Variants in CLVS2 observed in about 807,000 individuals in gnomAD.
The protein encoded by CLVS2 is clavesin 2.
Under a neutral mutation model 29.0 loss-of-function variants are expected in CLVS2, and 19 were observed. That is an observed-to-expected ratio of 0.66 (90% CI 0.46 to 0.96). The LOEUF (loss-of-function observed/expected upper bound fraction) is 0.96. Ranked by LOEUF, CLVS2 falls within the 40% of genes least tolerant of loss-of-function variation. CLVS2 has a pLI of 0.00. For synonymous variants in CLVS2, 161 were observed against 151.3 expected (o/e 1.06, Z -0.47); for missense variants, 294 against 404.1 (o/e 0.73, Z 2.34).
At chr6:123,043,209 A>C (rs989719843) in intron 3 of CLVS2, among the ~76,000 whole-genome samples, 8 of 152,210 alleles carry the variant, frequency 5.3e-5, no homozygotes, top group Non-Finnish European at 1.0e-4. Flanking sequence ...AAAAAACTTG[A>C]GCGCATACAT....
chr6:123,059,053 C>T (rs1772737479), intron 5 of CLVS2, among the ~76,000 whole-genome samples: 1 of 152,260 alleles, frequency 6.6e-6, no homozygotes, highest in Middle Eastern at 3.4e-3. Context: ...CCCTGCCTCC[C>T]TCTCTCCTCC....
chr6:123,005,059 G>T (rs1774647792), intron 2 of CLVS2, among the ~76,000 whole-genome samples: 1 of 152,006 alleles, frequency 6.6e-6, no homozygotes, highest in Non-Finnish European at 1.5e-5. Flanking sequence ...ATTTGGCTTT[G>T]AATCTAGGTT....
At chr6:123,030,773 T>C (rs536310324) in intron 3 of CLVS2, among the ~76,000 whole-genome samples, 73 of 150,762 alleles carry the variant, frequency 4.8e-4, no homozygotes, top group Non-Finnish European at 4.4e-4. Context: ...AAAGTTTACT[T>C]TGTTTGCTAG....
chr6:123,057,104 G>A (rs1298268891), intron 5 of CLVS2, among the ~76,000 whole-genome samples: 1 of 151,986 alleles, frequency 6.6e-6, no homozygotes, highest in Non-Finnish European at 1.5e-5. Flanking sequence ...CACAGCTCAG[G>A]GTCCATTTGG....
At chr6:123,025,980 T>G (rs1774994916) in intron 3 of CLVS2, among the ~76,000 whole-genome samples, 1 of 151,948 alleles carries the variant, frequency 6.6e-6, no homozygotes, top group South Asian at 2.1e-4. Flanking sequence ...TTTATGATAT[T>G]TATTATAAAT....
intron 3 of CLVS2, among the ~76,000 whole-genome samples, chr6:123,042,785 T>C (rs1298749609): frequency 6.6e-6 from 1 of 152,184 alleles, no homozygotes; most frequent in African/African-American, 2.4e-5. Context: ...AGCAGCGATT[T>C]GGAACTGGGA....
intron 3 of CLVS2, among the ~76,000 whole-genome samples, chr6:123,030,822 T>A (rs1386497626): frequency 7.6e-6 from 1 of 131,312 alleles, no homozygotes; most frequent in Admixed American, 7.4e-5. Context: ...AAGGAGAATA[T>A]ATATATATAT....
intron 3 of CLVS2, among the ~76,000 whole-genome samples, chr6:123,043,015 TA>T (rs886607824): frequency 3.9e-5 from 6 of 152,144 alleles, no homozygotes; most frequent in African/African-American, 1.2e-4. Context: ...AGGAAGCTAA[TA>T]GTGATGTTCC....
chr6:123,008,972 T>G (rs1214172745), intron 2 of CLVS2, among the ~76,000 whole-genome samples: 1 of 152,172 alleles, frequency 6.6e-6, no homozygotes, highest in African/African-American at 2.4e-5. Context: ...TTTTGCCTTT[T>G]ATAATACTAA....
intron 3 of CLVS2, among the ~76,000 whole-genome samples, chr6:123,022,447 A>T (rs891042932): frequency 6.6e-6 from 1 of 152,044 alleles, no homozygotes; most frequent in South Asian, 2.1e-4. Flanking sequence ...TGATTACAAG[A>T]TGATAAAAAT....
In CLVS2 at chr6:123,069,090, T is replaced by C. The variant is rs1464640152; in HGVS notation, c.*5329T>C. On this transcript the variant is annotated 3_prime_UTR_variant, in exon 6 of 6. Coordinates refer to ENST00000275162, the MANE Select transcript of CLVS2 (RefSeq NM_001010852.4). ...TGTGGGGATCAAAGAGGAAAATATA[T>C]AGTAATTTGTTTCATCAAAATGACG... 2 of 151,718 alleles carry C rather than the reference T, an allele frequency of 1.3e-5. No homozygotes were observed. Among genetic ancestry groups the C allele is most frequent in the African/African-American group, 2.4e-5 (1 of 41,374 alleles). The allele number at this position is 151,718 out of a possible 1,614,324, so 9.4% of individuals were successfully genotyped here.
intron 3 of CLVS2, among the ~76,000 whole-genome samples, chr6:123,023,157 C>T (rs1393958330): frequency 6.6e-6 from 1 of 152,126 alleles, no homozygotes; most frequent in African/African-American, 2.4e-5. Flanking sequence ...CCTAGATTGA[C>T]TTCAGCAGCA....
chr6:123,043,243 T>A (rs1775260198), intron 3 of CLVS2, among the ~76,000 whole-genome samples: 1 of 152,204 alleles, frequency 6.6e-6, no homozygotes, highest in Admixed American at 6.5e-5. Context: ...GTATTGTGTC[T>A]TCCTCTGGTT....
chr6:123,056,132 T>C, intron 5 of CLVS2, 106 bp downstream of exon 5: 1 of 733,984 alleles, frequency 1.4e-6, no homozygotes, highest in Non-Finnish European at 2.4e-6. Flanking sequence ...TCTGGTGGGA[T>C]TTTAAAACTC....
rs367592545 is a variant in CLVS2, at chr6:123,009,953, T to A, written c.390-1032T>A. Reference sequence around the variant, plus strand: ...GATCCATTTGTTTCAGAAGCTTGCTTGATATACCTCTCTGGGTATACTACA... The same window carrying A: ...GATCCATTTGTTTCAGAAGCTTGCTAGATATACCTCTCTGGGTATACTACA... On this transcript the variant is annotated intron_variant, in intron 2 of 5. Coordinates refer to ENST00000275162, the MANE Select transcript of CLVS2 (RefSeq NM_001010852.4). Among the ~76,000 whole-genome samples the A allele has an allele frequency of 7.9e-5, 12 of 152,190 alleles. 1 individual carries two copies. In the East Asian group the frequency reaches 2.1e-3, roughly 27 times the overall value.
At chr6:123,011,287 C>A in intron 3 of CLVS2, 128 bp downstream of exon 3, 2 of 628,308 alleles carry the variant, frequency 3.2e-6, no homozygotes, top group Non-Finnish European at 5.1e-6. Flanking sequence ...TTTTTGAGCA[C>A]AAACATTAAA....
intron 3 of CLVS2, among the ~76,000 whole-genome samples, chr6:123,014,752 G>A (rs1287900112): frequency 1.3e-5 from 2 of 152,032 alleles, no homozygotes; most frequent in African/African-American, 4.8e-5. Flanking sequence ...AATTAAAGTT[G>A]AATGACTTTG....
intron 2 of CLVS2, among the ~76,000 whole-genome samples, chr6:123,003,675 G>A (rs904018657): frequency 6.6e-6 from 1 of 152,126 alleles, no homozygotes; most frequent in African/African-American, 2.4e-5. Context: ...TAAGCAATAT[G>A]TAACCTCTCT....
At chr6:123,040,979 A>T (rs1236351077) in intron 3 of CLVS2, among the ~76,000 whole-genome samples, 2 of 152,174 alleles carry the variant, frequency 1.3e-5, no homozygotes, top group Non-Finnish European at 2.9e-5. Flanking sequence ...TCATTTTTCC[A>T]TAGGCAGGTG....
Sources: allele counts gnomAD v4.1 joint callset (sites outside exome capture counted in the v4.1 genomes callset), GRCh38; gene constraint gnomAD v4.1.1; transcripts MANE v1.5; gene names NCBI Gene and HGNC (gene_info 2026-07-23, HGNC 2026-07-21).